MLLT10: variants seen among roughly 807,000 people sequenced by gnomAD.
MLLT10 encodes the protein MLLT10 histone lysine methyltransferase DOT1L cofactor.
Under a neutral mutation model 129.1 loss-of-function variants are expected in MLLT10, and 30 were observed. The ratio of observed to expected loss-of-function variants is 0.23; its 90% CI spans 0.17 to 0.32. The LOEUF (loss-of-function observed/expected upper bound fraction) is 0.32, where lower values mean the gene tolerates loss of function less well. MLLT10 is among the 10% of genes least tolerant of loss of function. The pLI is 1.00. For missense variants in MLLT10, 1,119 were observed against 1,268.3 expected, an observed-to-expected ratio of 0.88 and a Z score of 1.79; for synonymous variants, 490 against 446.4, an observed-to-expected ratio of 1.10 and a Z score of -1.23.
At chr10:21,729,023 T>C (rs143546594) in intron 16 of MLLT10, among the ~76,000 whole-genome samples, 1 of 152,166 alleles carries the variant, frequency 6.6e-6, no homozygotes, top group African/African-American at 2.4e-5. Flanking sequence ...TAATGGTACA[T>C]CTAGTGATGC....
At chr10:21,640,301 T>C (rs1389154407) in intron 8 of MLLT10, among the ~76,000 whole-genome samples, 1 of 144,518 alleles carries the variant, frequency 6.9e-6, no homozygotes, top group Non-Finnish European at 1.5e-5. Context: ...TATTATATAA[T>C]ATATATGTAT....
At chr10:21,631,572 A>G (rs1310155424) in intron 8 of MLLT10, among the ~76,000 whole-genome samples, 2 of 152,120 alleles carry the variant, frequency 1.3e-5, no homozygotes, top group Non-Finnish European at 2.9e-5. Flanking sequence ...CAGGCTGTAC[A>G]GGAAGCATGG....
intron 3 of MLLT10, among the ~76,000 whole-genome samples, chr10:21,545,332 A>G (rs906685147): frequency 6.6e-6 from 1 of 152,052 alleles, no homozygotes; most frequent in African/African-American, 2.4e-5. Context: ...CTGTCAGGAA[A>G]AGAACCTAAA....
At chr10:21,572,016 A>G (rs1326541948) in intron 3 of MLLT10, 1 of 152,210 alleles carries the variant, frequency 6.6e-6, no homozygotes, top group Non-Finnish European at 1.5e-5. Flanking sequence ...CCTAACCTCG[A>G]AGTCATGAAG....
chr10:21,580,375 A>G (rs2041272243), intron 3 of MLLT10, among the ~76,000 whole-genome samples: 1 of 148,944 alleles, frequency 6.7e-6, no homozygotes, highest in South Asian at 2.1e-4. Flanking sequence ...CAGTCCTATT[A>G]ATATATTTTG....
chr10:21,703,970 C>A (rs528850906), intron 13 of MLLT10, among the ~76,000 whole-genome samples: 1 of 128,660 alleles, frequency 7.8e-6, no homozygotes, highest in South Asian at 2.4e-4. Context: ...TTGATCTAGT[C>A]TATTGTTGAA....
chr10:21,539,805 G>A (rs2034770889), intron 3 of MLLT10, among the ~76,000 whole-genome samples: 1 of 152,140 alleles, frequency 6.6e-6, no homozygotes, highest in Non-Finnish European at 1.5e-5. Flanking sequence ...CATTAGCTGG[G>A]CGTGGTGGCA....
chr10:21,636,904 G>A (rs1441953621), intron 8 of MLLT10, among the ~76,000 whole-genome samples: 1 of 152,158 alleles, frequency 6.6e-6, no homozygotes, highest in African/African-American at 2.4e-5. Flanking sequence ...TAGGAATAGG[G>A]AACAGAATCA....
At chr10:21,740,372 T>C in intron 22 of MLLT10, 136 bp downstream of exon 22, 1 of 932,618 alleles carries the variant, frequency 1.1e-6, no homozygotes, top group East Asian at 2.6e-5. Flanking sequence ...ATGGATATTA[T>C]AGGCAAAGGA....
intron 8 of MLLT10, among the ~76,000 whole-genome samples, chr10:21,651,062 GTTTTGTTT>G (rs2048981172): frequency 6.6e-6 from 1 of 151,672 alleles, no homozygotes; most frequent in Non-Finnish European, 1.5e-5. Flanking sequence ...GTTTTGTTTT[GTTTTGTTT>G]TGTTTTGTTT....
chr10:21,682,966 C>T (rs1210337646), intron 13 of MLLT10, among the ~76,000 whole-genome samples: 1 of 152,168 alleles, frequency 6.6e-6, no homozygotes, highest in Non-Finnish European at 1.5e-5. Flanking sequence ...TAACAGATCT[C>T]ATTTGTTCGA....
At chr10:21,542,238 G>A (rs1285969434) in intron 3 of MLLT10, among the ~76,000 whole-genome samples, 1 of 152,124 alleles carries the variant, frequency 6.6e-6, no homozygotes, top group Non-Finnish European at 1.5e-5. Flanking sequence ...CTGAGGACAT[G>A]GTCAAAGTGT....
intron 21 of MLLT10, among the ~76,000 whole-genome samples, chr10:21,738,924 C>CCT (rs1473218931): frequency 6.6e-6 from 1 of 152,154 alleles, no homozygotes; most frequent in Non-Finnish European, 1.5e-5. Context: ...TCCAGCCAGA[C>CCT]CTCTCTCTGG....
At chr10:21,545,542 TAAAGG>T (rs1455087886) in intron 3 of MLLT10, among the ~76,000 whole-genome samples, 1 of 152,058 alleles carries the variant, frequency 6.6e-6, no homozygotes, top group Non-Finnish European at 1.5e-5. Context: ...AGAGAAAAAT[TAAAGG>T]AGATGAGGTT....
chr10:21,573,949 G>T (rs1214006482), intron 3 of MLLT10, among the ~76,000 whole-genome samples: 1 of 152,158 alleles, frequency 6.6e-6, no homozygotes, highest in Non-Finnish European at 1.5e-5. Context: ...TTGTAATCTT[G>T]TTGCTTTTTG....
At chr10:21,614,220 T>G (rs1199392789) in intron 6 of MLLT10, among the ~76,000 whole-genome samples, 2 of 106,780 alleles carry the variant, frequency 1.9e-5, no homozygotes, top group African/African-American at 7.6e-5. Flanking sequence ...CCTGTTTTTT[T>G]TTTTCAAAAA....
Position 21,742,089 on chromosome 10 carries a change from C to A in MLLT10, c.*106C>A. On this transcript the variant is annotated 3_prime_UTR_variant, in exon 23 of 23. Transcript: ENST00000307729. ...CTATGAAGAAACGCAACAAGAAACT[C>A]AATGCACAACAAAGGATTAATTGCT... 1.1e-6 allele frequency: 1 copy of A among 944,428 alleles called. No homozygotes were observed. The highest frequency in any genetic ancestry group is 1.7e-6 in the Non-Finnish European group (1 of 605,236). The allele number at this position is 944,428 out of a possible 1,614,324, so 58.5% of individuals were successfully genotyped here. A position where few individuals can be genotyped will look rare whatever the true frequency, so the allele number is the denominator to read the frequency against.
intron 3 of MLLT10, among the ~76,000 whole-genome samples, chr10:21,540,648 T>C (rs772702822): frequency 2.0e-5 from 3 of 152,230 alleles, no homozygotes; most frequent in Non-Finnish European, 4.4e-5. Flanking sequence ...TCATTAGTTA[T>C]GCAAACCTAC....
At chr10:21,545,570 G>T (rs1159435971) in intron 3 of MLLT10, among the ~76,000 whole-genome samples, 1 of 152,256 alleles carries the variant, frequency 6.6e-6, no homozygotes, top group East Asian at 1.9e-4. Flanking sequence ...GGAAAGTTTG[G>T]TTTTTAAGGG....
Sources: allele counts gnomAD v4.1 joint callset (sites outside exome capture counted in the v4.1 genomes callset), GRCh38; gene constraint gnomAD v4.1.1; transcripts MANE v1.5; gene names NCBI Gene and HGNC (gene_info 2026-07-23, HGNC 2026-07-21).